Variants in DGKK observed in about 807,000 individuals in gnomAD.
DGKK encodes the protein diacylglycerol kinase kappa.
In DGKK, 35 loss-of-function variants were observed where a neutral mutation model predicts 92.2. The ratio of observed to expected loss-of-function variants is 0.38; its 90% CI spans 0.29 to 0.50. The LOEUF is 0.50. DGKK is among the 20% of genes least tolerant of loss of function. DGKK has a pLI of 0.92. For missense variants in DGKK, 910 were observed against 992.2 expected (o/e 0.92, Z 1.11); for synonymous variants, 368 against 360.6 (o/e 1.02, Z -0.23).
Position 50,380,071 on chromosome X carries a change from G to A in DGKK, c.2664C>T (p.Arg888=), listed in dbSNP as rs979721708. The A allele has an allele frequency of 3.3e-6, 4 of 1,206,510 alleles. No homozygotes were observed. Among genetic ancestry groups the A allele is most frequent in the Non-Finnish European group, 4.5e-6 (4 of 890,860 alleles). ...GGCCATACCACATCTTGTTCTTAAG[G>A]CGGCTACTACATGGAGGTAAGCATT... is the stretch of plus-strand genomic sequence containing the variant. The part of the protein sequence containing the change: ...RDEHPGQYNS[R]LKNKMWYGLL... Residue 888 remains arginine (R), a synonymous_variant, in exon 19 of 28, where the codon CGC becomes CGT. Coordinates refer to ENST00000611977, the MANE Select transcript of DGKK (RefSeq NM_001013742.4).
chrX:50,432,549 A>G (rs1383854519), intron 1 of DGKK, among the ~76,000 whole-genome samples: 1 of 112,333 alleles, frequency 8.9e-6, no homozygotes. Flanking sequence ...TTACAATTGC[A>G]TAGCATTCTA....
At chrX:50,405,493 T>C (rs1184607139) in intron 4 of DGKK, among the ~76,000 whole-genome samples, 1 of 109,239 alleles carries the variant, frequency 9.2e-6, no homozygotes, top group Admixed American at 9.8e-5. Context: ...TAAAAAGAAC[T>C]ATATTTTCTT....
chrX:50,377,462 G>T (rs1258134566), intron 22 of DGKK, among the ~76,000 whole-genome samples: 3 of 112,407 alleles, frequency 2.7e-5, no homozygotes, highest in African/African-American at 9.7e-5. Context: ...GAACCTACAT[G>T]AGAGAAATGT....
chrX:50,369,432 C>CTTTT (rs1288678634), intron 27 of DGKK, among the ~76,000 whole-genome samples: 1 of 109,980 alleles, frequency 9.1e-6, no homozygotes, highest in Non-Finnish European at 1.9e-5. Flanking sequence ...TTCTTTTTTT[C>CTTTT]TTTTTTTTCT....
At chrX:50,395,157 G>A (rs1206467076) in intron 8 of DGKK, among the ~76,000 whole-genome samples, 1 of 111,361 alleles carries the variant, frequency 9.0e-6, no homozygotes, top group Admixed American at 9.5e-5. Flanking sequence ...CACGAGTCAG[G>A]TCTTAAGATA....
chrX:50,446,174 T>C (rs7879370), intron 1 of DGKK, among the ~76,000 whole-genome samples: 49,727 of 109,495 alleles, frequency 0.45, 9,751 homozygotes, highest in African/African-American at 0.76. Flanking sequence ...GCTGAAGGAG[T>C]TTTGGGGCCA....
chrX:50,439,438 A>G (rs1212979426), intron 1 of DGKK, among the ~76,000 whole-genome samples: 1 of 111,401 alleles, frequency 9.0e-6, no homozygotes, highest in African/African-American at 3.3e-5. Context: ...GGATCAAGAT[A>G]ATGCATTAAA....
chrX:50,384,032 C>T, intron 17 of DGKK, 136 bp downstream of exon 17: 2 of 323,304 alleles, frequency 6.2e-6, no homozygotes, highest in East Asian at 1.2e-4. Flanking sequence ...AACTGAGGCT[C>T]ACACTGGTTT....
At position 50,374,991 on chromosome X, in the gene DGKK, C is replaced by T. The variant is rs1557223652; in HGVS notation, c.3481G>A (p.Ala1161Thr). The T allele has an allele frequency of 8.3e-7, 1 of 1,209,511 alleles. No individual in the cohort carries two copies. Among genetic ancestry groups the T allele is most frequent in the East Asian group, 3.0e-5 (1 of 33,772 alleles). ...CTCACCAGCTTTTCATCCAGGAAAGCTGTGGTGTCATCGTAGAGACCTTTA... is the reference window on the plus strand; with the variant it reads ...CTCACCAGCTTTTCATCCAGGAAAGTTGTGGTGTCATCGTAGAGACCTTTA... ...SLKGLYDDTT[A>T]FLDEKLLRSA... Residue 1161 changes from alanine to threonine, a missense_variant, in exon 25 of 28, where the codon GCT becomes ACT. Ala to Thr is a moderately conservative substitution (Grantham distance 58, BLOSUM62 0). Transcript: ENST00000611977.
intron 1 of DGKK, among the ~76,000 whole-genome samples, chrX:50,452,280 TAG>T (rs1391584946): frequency 3.6e-5 from 4 of 111,902 alleles, no homozygotes; most frequent in African/African-American, 1.3e-4. Flanking sequence ...GTACTTTCTG[TAG>T]GTAGAAGCAA....
chrX:50,394,929 T>A (rs1430873958), intron 8 of DGKK, among the ~76,000 whole-genome samples: 2 of 107,685 alleles, frequency 1.9e-5, no homozygotes, highest in African/African-American at 6.8e-5. Context: ...GTTTTGGGGG[T>A]AGGAAGAAGA....
intron 1 of DGKK, among the ~76,000 whole-genome samples, chrX:50,452,005 G>A (rs1413332889): frequency 8.9e-6 from 1 of 111,984 alleles, no homozygotes; most frequent in Admixed American, 9.5e-5. Flanking sequence ...ACATTGTAGG[G>A]GCTACCATAG....
At chrX:50,449,021 T>C (rs1926432125) in intron 1 of DGKK, among the ~76,000 whole-genome samples, 1 of 111,684 alleles carries the variant, frequency 9.0e-6, no homozygotes, top group African/African-American at 3.3e-5. Flanking sequence ...TAGAAGTCAT[T>C]GTTGTCAGCT....
At chrX:50,445,007 G>A (rs180921098) in intron 1 of DGKK, among the ~76,000 whole-genome samples, 286 of 110,264 alleles carry the variant, frequency 2.6e-3, no homozygotes, top group Middle Eastern at 9.3e-3. Flanking sequence ...ATGGTATCTC[G>A]TTGTGGTTTT....
At chrX:50,403,718 C>T (rs2147129530) in intron 5 of DGKK, 121 bp from the exon 6 acceptor site, 1 of 561,817 alleles carries the variant, frequency 1.8e-6, no homozygotes, top group Non-Finnish European at 2.9e-6. Context: ...TCTAATGCAC[C>T]TCCAAAAACC....
At position 50,403,572 on chromosome X, in the gene DGKK, C is replaced by T. The variant is rs4143304; in HGVS notation, c.1104G>A (p.Leu368=). 413,216 of 1,205,775 alleles carry T rather than the reference C, an allele frequency of 0.34. 55,779 individuals carry two copies. The highest frequency in any genetic ancestry group is 0.8 in the African/African-American group (45,168 of 56,382). ...AGTCTTTGCTTGCTCTCAAAGCACA[C>T]AATCTGTGAGATTTCACTTTGCACA... is the stretch of plus-strand genomic sequence containing the variant. ...CEVCKVKSHR[L]CALRASKDCK... The change falls in exon 6 of 28, where the codon TTG becomes TTA. Residue 368 remains leucine, a synonymous_variant. Transcript: ENST00000611977.
At position 50,392,404 on chromosome X, in the gene DGKK, A is replaced by G. The variant is rs782640102; in HGVS notation, c.1641T>C (p.Cys547=). 1.7e-6 allele frequency: 2 copies of G among 1,210,716 alleles called. No homozygotes were observed. Among genetic ancestry groups the G allele is most frequent in the South Asian group, 3.5e-5 (2 of 56,842 alleles). Residue 547 remains cysteine (C), a synonymous_variant, in exon 10 of 28, where the codon TGT becomes TGC. Transcript: ENST00000611977. ...KNFARFRILV[C]GGDGSVSWVL... is the part of the protein sequence containing the mutation. ...CCCAGCTCACGCTGCCATCTCCACC[A>G]CAAACCAGAATGCGAAAGCGAGCAA... is the stretch of plus-strand genomic sequence containing the variant.
At position 50,393,268 on chromosome X, in the gene DGKK, G is replaced by A. The variant is rs1557225762; in HGVS notation, c.1479C>T (p.Leu493=). The change falls in exon 9 of 28, where the codon CTC becomes CTT. Residue 493 remains leucine (L), a synonymous_variant. Coordinates refer to ENST00000611977, the MANE Select transcript of DGKK (RefSeq NM_001013742.4). ...CGCCACTTTTGGAGTTGATGAAGAT[G>A]AGCAAGGGACATGAACAGGCTGATG... ...DWSSACSCPL[L]IFINSKSGDH... The A allele has an allele frequency of 8.3e-7, 1 of 1,210,584 alleles. No homozygotes were observed. The highest frequency in any genetic ancestry group is 1.1e-6 in the Non-Finnish European group (1 of 894,766).
chrX:50,393,370 A>G (rs1924752663), intron 8 of DGKK, 35 bp from the exon 9 acceptor site: 1 of 1,122,379 alleles, frequency 8.9e-7, no homozygotes, highest in Admixed American at 2.5e-5. Context: ...GAAAAAAAAG[A>G]ACGGACCCGT....
Sources: gnomAD v4.1 joint callset for allele counts (sites outside exome capture counted in the v4.1 genomes callset) on GRCh38, gnomAD v4.1.1 for gene constraint, MANE v1.5 for transcripts, NCBI Gene and HGNC (gene_info 2026-07-23, HGNC 2026-07-21) for gene names.